UACA: variants seen among roughly 807,000 people sequenced by gnomAD.
UACA encodes nuclear membrane binding protein.
Under a neutral mutation model 160.5 loss-of-function variants are expected in UACA, and 112 were observed. The ratio of observed to expected loss-of-function variants is 0.70; its 90% confidence interval spans 0.60 to 0.82. The LOEUF (loss-of-function observed/expected upper bound fraction) is 0.82. Ranked by LOEUF, UACA falls within the 40% of genes least tolerant of loss-of-function variation. UACA has a pLI of 0.00. For synonymous variants in UACA, 557 were observed against 568.4 expected, an observed-to-expected ratio of 0.98 and a Z score of 0.29; for missense variants, 1,574 against 1,614.6, an observed-to-expected ratio of 0.97 and a Z score of 0.43.
At chr15:70,660,327 T>A in intron 17 of UACA, 111 bp from the exon 18 acceptor site, 1 of 864,274 alleles carries the variant, frequency 1.2e-6, no homozygotes, top group Non-Finnish European at 1.8e-6. Context: ...AAGGCGATCC[T>A]GCTACTTCTA....
intron 1 of UACA, among the ~76,000 whole-genome samples, chr15:70,721,266 T>C (rs1009825787): frequency 6.6e-6 from 1 of 152,086 alleles, no homozygotes; most frequent in African/African-American, 2.4e-5. Flanking sequence ...TGTGGGTAAA[T>C]ATAGATTCTT....
At position 70,657,011 on chromosome 15, in the gene UACA, C is replaced by A. The variant is rs1212536917; in HGVS notation, c.*45G>T. ...ACCATGGAGTTGCACAAAGAATGTT[C>A]AGCACCAGCAAGATAAAACAGATAC... On this transcript the variant is annotated 3_prime_UTR_variant, in exon 19 of 19. Coordinates refer to ENST00000322954, the MANE Select transcript of UACA (RefSeq NM_018003.4). The A allele has an allele frequency of 2.0e-6, 3 of 1,527,066 alleles. No individual in the cohort carries two copies. The highest frequency in any genetic ancestry group is 2.3e-5 in the East Asian group (1 of 44,444). The allele number at this position is 1,527,066 out of a possible 1,614,324, so 94.6% of individuals were successfully genotyped here.
upstream of UACA, among the ~76,000 whole-genome samples, chr15:70,764,151 G>A (rs2030942316): frequency 6.6e-6 from 1 of 152,128 alleles, no homozygotes; most frequent in African/African-American, 2.4e-5. Flanking sequence ...TACAAGTTAC[G>A]TGCTCGTTTA....
At chr15:70,719,503 C>T (rs1037800782) in intron 1 of UACA, among the ~76,000 whole-genome samples, 4 of 152,076 alleles carry the variant, frequency 2.6e-5, no homozygotes, top group African/African-American at 9.7e-5. Flanking sequence ...CACATCTCAA[C>T]GAGTTGAGGA....
At chr15:70,762,836 G>A (rs1004786598) in intron 1 of UACA, among the ~76,000 whole-genome samples, 4 of 152,252 alleles carry the variant, frequency 2.6e-5, no homozygotes, top group Admixed American at 6.5e-5. Context: ...TCTCAGACCC[G>A]GGGAAGGTCC....
At chr15:70,723,220 T>G (rs1899043858) in intron 1 of UACA, among the ~76,000 whole-genome samples, 1 of 152,210 alleles carries the variant, frequency 6.6e-6, no homozygotes, top group African/African-American at 2.4e-5. Flanking sequence ...AAACAGCAGG[T>G]GCAGCGGCTC....
At chr15:70,714,688 G>A (rs1055109187) in intron 1 of UACA, among the ~76,000 whole-genome samples, 3 of 151,986 alleles carry the variant, frequency 2.0e-5, no homozygotes, top group African/African-American at 4.8e-5. Context: ...TTGAAGAACT[G>A]GAGTCAGAAA....
At position 70,687,761 on chromosome 15, in the gene UACA, C is replaced by T; in HGVS notation, c.484G>A (p.Ala162Thr). Reference sequence around the variant, plus strand: ...ATAAACTAACTTACTACATCTTTGGCATTCACAGAGGCCCCATGGTCACAA... The same window carrying T: ...ATAAACTAACTTACTACATCTTTGGTATTCACAGAGGCCCCATGGTCACAA... ...LLCDHGASVN[A>T]KDVDGRTPLV... The change falls in exon 6 of 19, where the codon GCC becomes ACC. Residue 162 changes from alanine (A) to threonine (T), a missense_variant. Transcript: ENST00000322954. 1 of 1,613,800 alleles carries T rather than the reference C, an allele frequency of 6.2e-7. No homozygotes were observed.
intron 2 of UACA, among the ~76,000 whole-genome samples, chr15:70,696,703 A>T (rs541203300): frequency 6.6e-6 from 1 of 152,256 alleles, no homozygotes; most frequent in African/African-American, 2.4e-5. Flanking sequence ...TCTCTGCCAC[A>T]ATGAAACTGG....
chr15:70,678,161 T>G lies in UACA; in HGVS notation c.937A>C (p.Ile313Leu). 1 of 1,611,718 alleles carries G rather than the reference T, an allele frequency of 6.2e-7. No individual in the cohort carries two copies. ...NEDLKERLRK[I>L]QQEQRILLDK... Reference sequence around the variant, plus strand: ...AAAAGTATTCTTTGTTCTTGCTGAATTTTTCTCAACCTCTCTTTCAAATCT... The same window carrying G: ...AAAAGTATTCTTTGTTCTTGCTGAAGTTTTCTCAACCTCTCTTTCAAATCT... The change falls in exon 11 of 19, where the codon ATT becomes CTT. Residue 313 changes from isoleucine (I) to leucine (L), a missense_variant. By Grantham distance (5) the Ile-to-Leu change is conservative (BLOSUM62 2). Transcript: ENST00000322954.
At chr15:70,751,854 T>A (rs1413803137) in intron 1 of UACA, among the ~76,000 whole-genome samples, 1 of 152,194 alleles carries the variant, frequency 6.6e-6, no homozygotes, top group East Asian at 1.9e-4. Flanking sequence ...CTATTTATAT[T>A]TCATAAAGTG....
intron 1 of UACA, among the ~76,000 whole-genome samples, chr15:70,717,100 A>C (rs189913309): frequency 6.6e-6 from 1 of 152,192 alleles, no homozygotes; most frequent in Admixed American, 6.5e-5. Context: ...GCATGCCTGT[A>C]ATCCCAGCTA....
chr15:70,769,149 G>A, the UACA span, among the ~76,000 whole-genome samples: 1 of 151,872 alleles, frequency 6.6e-6, no homozygotes, highest in Non-Finnish European at 1.5e-5. Context: ...ACGAAGTCAG[G>A]AGATCAAGAC....
intron 1 of UACA, among the ~76,000 whole-genome samples, chr15:70,703,522 T>A (rs1322992459): frequency 6.6e-6 from 1 of 152,210 alleles, no homozygotes; most frequent in Non-Finnish European, 1.5e-5. Context: ...TTCATTTGGC[T>A]AAACCCAGAG....
rs370099766 is a variant in UACA at position 70,763,482 on chromosome 15, G to C, written c.-75C>G. ...CAGCGCGCAAGGAGTAGACGGCAGC[G>C]GCTGCAGCAGAGGCGGCGCGGGCTG... On this transcript the variant is annotated 5_prime_UTR_variant, in exon 1 of 19. Transcript: ENST00000322954. 6 of 1,260,634 alleles carry C rather than the reference G, an allele frequency of 4.8e-6. No individual in the cohort carries two copies. The highest frequency in any genetic ancestry group is 2.4e-4 in the Middle Eastern group (1 of 4,096). The allele number at this position is 1,260,634 out of a possible 1,614,324, so 78.1% of individuals were successfully genotyped here.
intron 11 of UACA, 120 bp downstream of exon 11, chr15:70,677,979 A>G: frequency 3.1e-6 from 2 of 653,956 alleles, no homozygotes; most frequent in Admixed American, 3.4e-5. Context: ...CCTGGTCCCC[A>G]GTAAGATTTA....
chr15:70,770,303 T>G, the UACA span, among the ~76,000 whole-genome samples: 1 of 152,236 alleles, frequency 6.6e-6, no homozygotes, highest in Non-Finnish European at 1.5e-5. Context: ...TAAGGTACAA[T>G]TCTTATATAC....
At chr15:70,689,022 G>C (rs1897830627) in intron 5 of UACA, among the ~76,000 whole-genome samples, 1 of 152,118 alleles carries the variant, frequency 6.6e-6, no homozygotes, top group African/African-American at 2.4e-5. Flanking sequence ...ATAGCCAATT[G>C]ATTTTGCTCC....
At chr15:70,695,987 T>C (rs899157412) in intron 2 of UACA, among the ~76,000 whole-genome samples, 1 of 152,096 alleles carries the variant, frequency 6.6e-6, no homozygotes, top group African/African-American at 2.4e-5. Context: ...TCCAAACAGG[T>C]AAATACAATA....
Sources: gnomAD v4.1 joint callset for allele counts (sites outside exome capture counted in the v4.1 genomes callset) on GRCh38, gnomAD v4.1.1 for gene constraint, MANE v1.5 for transcripts, NCBI Gene and HGNC (gene_info 2026-07-23, HGNC 2026-07-21) for gene names.